Variants in MDN1 observed in about 807,000 individuals in gnomAD.
MDN1 encodes the protein midasin AAA ATPase 1, also known as midasin.
Under a neutral mutation model 669.2 loss-of-function variants are expected in MDN1, and 266 were observed. The ratio of observed to expected loss-of-function variants is 0.40; its 90% confidence interval spans 0.36 to 0.44. MDN1 has a LOEUF of 0.44. Among genes scored for constraint, MDN1 ranks in the 20% least tolerant of loss-of-function variants. The pLI, the probability that MDN1 is intolerant of heterozygous loss-of-function variation, is 1.00. For missense variants in MDN1, 5,940 were observed against 6,754.0 expected, an observed-to-expected ratio of 0.88 and a Z score of 4.22; for synonymous variants, 2,385 against 2,457.1, an observed-to-expected ratio of 0.97 and a Z score of 0.87.
chr6:89,794,077 C>A (rs1010031034), intron 4 of MDN1, 23 bp downstream of exon 4: 20 of 1,483,522 alleles, frequency 1.3e-5, no homozygotes, highest in Non-Finnish European at 1.8e-5. Context: ...TATAGCAAGA[C>A]CTCCACGAAG....
chr6:89,655,814 G>GGA lies in MDN1; in HGVS notation c.15439_15440insTC (p.Ala5147ValfsTer41). On this transcript the variant is annotated frameshift_variant, in exon 92 of 102. Transcript: ENST00000369393. LOFTEE classifies it high-confidence loss of function. ...ACTGCCTTGTTTAATGTGCTCGAAT[G>GGA]CATCTGCATCCTCCACCTGGGCCTG... 3 of 1,613,866 alleles carry GGA rather than the reference G, an allele frequency of 1.9e-6. No homozygotes were observed. The highest frequency in any genetic ancestry group is 2.5e-6 in the Non-Finnish European group (3 of 1,179,964).
In MDN1 at chr6:89,695,801, T is replaced by A; in HGVS notation, c.9575A>T (p.Glu3192Val). The A allele has an allele frequency of 6.2e-7, 1 of 1,613,712 alleles. No homozygotes were observed. Among genetic ancestry groups the A allele is most frequent in the African/African-American group, 1.3e-5 (1 of 75,050 alleles). The change falls in exon 61 of 102, where the codon GAA becomes GTA. Residue 3192 changes from glutamate (E) to valine (V), a missense_variant. By Grantham distance (121) the Glu-to-Val change is moderately radical (BLOSUM62 -2). Coordinates refer to ENST00000369393, the MANE Select transcript of MDN1 (RefSeq NM_014611.3). This position sits in a 1 kb window ranked among gnomAD's most constrained non-coding sequence, Gnocchi z 4.1. ...GGAGGTGAGCAACTGGCAGAGCAGTTCCTTGGGCAGCACCTCCTGACCAGC... is the reference window on the plus strand; with the variant it reads ...GGAGGTGAGCAACTGGCAGAGCAGTACCTTGGGCAGCACCTCCTGACCAGC... Reference protein sequence around the residue: ...DMAGQEVLPKELLCQLLTSLH... With the variant: ...DMAGQEVLPKVLLCQLLTSLH...
rs546902314 is a variant in MDN1, at chr6:89,818,689, A to C, written c.102+817T>G. On this transcript the variant is annotated intron_variant, in intron 1 of 101. Coordinates refer to ENST00000369393, the MANE Select transcript of MDN1 (RefSeq NM_014611.3). ...GCTAGGCATGGTGGCGCTCGCCTGT[A>C]ATCCCAGCTACTGAGAGGGTGAGGC... Among the ~76,000 whole-genome samples the C allele has an allele frequency of 5.9e-5, 9 of 152,142 alleles. No individual in the cohort carries two copies. In the South Asian group the frequency reaches 1.7e-3, roughly 28 times the overall value.
At chr6:89,757,771 C>T (rs939290042) in intron 19 of MDN1, among the ~76,000 whole-genome samples, 1 of 152,016 alleles carries the variant, frequency 6.6e-6, no homozygotes, top group Non-Finnish European at 1.5e-5. Flanking sequence ...TGAGGCCGGG[C>T]GCACTGGCTC....
rs1426973956 is a variant in MDN1, at chr6:89,743,680, C to T, written c.4213G>A (p.Ala1405Thr). 9 of 1,613,958 alleles carry T rather than the reference C, an allele frequency of 5.6e-6. No individual in the cohort carries two copies. The highest frequency in any genetic ancestry group is 1.3e-5 in the African/African-American group (1 of 74,910). Residue 1405 changes from alanine (A) to threonine (T), a missense_variant, in exon 30 of 102, where the codon GCC becomes ACC. Physicochemically the swap from Ala to Thr is moderately conservative, Grantham distance 58 (BLOSUM62 0). Coordinates refer to ENST00000369393, the MANE Select transcript of MDN1 (RefSeq NM_014611.3). ...GAGTATAATTTCTGATTTGCCAAGG[C>T]TGCAAATACCTGACAGATAGTAGTT... Reference protein sequence around the residue: ...GKTTICQVFAALANQKLYSVS... With the variant: ...GKTTICQVFATLANQKLYSVS...
rs1818855434 is a variant in MDN1, at chr6:89,784,546, T to C, written c.1449+466A>G. On this transcript the variant is annotated intron_variant, in intron 9 of 101. Transcript: ENST00000369393. ...GAGTCAAGTGTAATATACTTCTTAC[T>C]GATCTAGGATAACCACAATACTAGA... Among the ~76,000 whole-genome samples the C allele has an allele frequency of 2.0e-5, 3 of 152,168 alleles. 1 individual carries two copies. The highest frequency in any genetic ancestry group is 2.0e-4 in the Admixed American group (3 of 15,266).
Position 89,705,356 on chromosome 6 carries a change from G to A in MDN1, c.8148+703C>T, listed in dbSNP as rs1187692774. Among the ~76,000 whole-genome samples the A allele has an allele frequency of 3.9e-5, 6 of 152,036 alleles. No individual in the cohort carries two copies. In the South Asian group the frequency reaches 1.0e-3, roughly 26 times the overall value. Reference sequence around the variant, plus strand: ...TTTTGAGAACCTTTAAGAGTATAGAGGCAGAGATCAAAAAGTTTAAGACTG... The same window carrying A: ...TTTTGAGAACCTTTAAGAGTATAGAAGCAGAGATCAAAAAGTTTAAGACTG... On this transcript the variant is annotated intron_variant, in intron 53 of 101. Coordinates refer to ENST00000369393, the MANE Select transcript of MDN1 (RefSeq NM_014611.3).
chr6:89,749,307 G>A lies in MDN1; in HGVS notation c.3678C>T (p.Ser1226=), dbSNP rs1055879401. 39 of 1,613,916 alleles carry A rather than the reference G, an allele frequency of 2.4e-5. No homozygotes were observed. The highest frequency in any genetic ancestry group is 2.9e-5 in the Non-Finnish European group (34 of 1,179,992). ...GCTTGTGCAAGATTGTTTCCAACTC[G>A]GAGCTAGGTAACTCATCAAAGTGCA... ...VELHFDELPS[S]ELETILHKRC... is the part of the protein sequence containing the mutation. The change falls in exon 26 of 102, where the codon TCC becomes TCT. Residue 1226 remains serine, a synonymous_variant. Transcript: ENST00000369393.
In MDN1 at chr6:89,772,395, T is replaced by C. The variant is rs917471121; in HGVS notation, c.2083+178A>G. Among the ~76,000 whole-genome samples, 3 of 152,252 alleles carry C rather than the reference T, an allele frequency of 2.0e-5. No homozygotes were observed. In the South Asian group the frequency reaches 6.2e-4, roughly 31 times the overall value. On this transcript the variant is annotated intron_variant, in intron 14 of 101. Coordinates refer to ENST00000369393, the MANE Select transcript of MDN1 (RefSeq NM_014611.3). ...TATATGTATTTGCATAAGCATAGATTGGAAATGAAATAATTTAATAATAAT... is the reference window on the plus strand; with the variant it reads ...TATATGTATTTGCATAAGCATAGATCGGAAATGAAATAATTTAATAATAAT...
chr6:89,785,546 G>A (rs569175179), intron 8 of MDN1, among the ~76,000 whole-genome samples: 2 of 152,250 alleles, frequency 1.3e-5, no homozygotes, highest in South Asian at 4.1e-4. Context: ...ATTTCCAGAA[G>A]AGAAAAAAGT....
intron 11 of MDN1, among the ~76,000 whole-genome samples, chr6:89,777,629 C>T (rs1818419974): frequency 6.6e-6 from 1 of 152,120 alleles, no homozygotes; most frequent in Non-Finnish European, 1.5e-5. Context: ...GGCCAGAGGT[C>T]ACAAGACTTG....
Position 89,819,471 on chromosome 6 carries a change from C to A in MDN1, c.102+35G>T, listed in dbSNP as rs1254879780. 7 of 1,580,432 alleles carry A rather than the reference C, an allele frequency of 4.4e-6. No individual in the cohort carries two copies. In the South Asian group the frequency reaches 7.8e-5, roughly 18 times the overall value. On this transcript the variant is annotated intron_variant, in intron 1 of 101. Coordinates refer to ENST00000369393, the MANE Select transcript of MDN1 (RefSeq NM_014611.3). ...AAGCTTACTAGTGGGGCGACCCAGT[C>A]GTTCCGGCGCTTTCCCTCTCCCTTC...
intron 1 of MDN1, among the ~76,000 whole-genome samples, chr6:89,818,457 G>A (rs1768994571): frequency 6.6e-6 from 1 of 151,632 alleles, no homozygotes; most frequent in South Asian, 2.1e-4. Context: ...AACAAAGGGG[G>A]ACCTTACAAC....
rs986702376 is a variant in MDN1, at chr6:89,797,242, C to T, written c.330-2441G>A. 6.7e-5 allele frequency among the ~76,000 whole-genome samples: 10 copies of T among 149,644 alleles called. No homozygotes were observed. The South Asian group carries it at 1.3e-3, about 19-fold the overall frequency. Reference sequence around the variant, plus strand: ...AAAATTAGCTGGGCGTGGTGGCACACGCCTGTAGTCCCAGCTACCCAGAAG... The same window carrying T: ...AAAATTAGCTGGGCGTGGTGGCACATGCCTGTAGTCCCAGCTACCCAGAAG... On this transcript the variant is annotated intron_variant, in intron 2 of 101. Coordinates refer to ENST00000369393, the MANE Select transcript of MDN1 (RefSeq NM_014611.3).
intron 5 of MDN1, among the ~76,000 whole-genome samples, chr6:89,792,605 G>A (rs574107572): frequency 1.3e-5 from 2 of 152,074 alleles, no homozygotes; most frequent in South Asian, 4.1e-4. Flanking sequence ...TTATTTATAT[G>A]AAGTTTATGA....
Position 89,673,511 on chromosome 6 carries a change from C to A in MDN1, c.13248-49G>T, listed in dbSNP as rs528274486. 5 of 1,496,270 alleles carry A rather than the reference C, an allele frequency of 3.3e-6. No homozygotes were observed. In the African/African-American group the frequency reaches 6.9e-5, roughly 21 times the overall value. The allele number at this position is 1,496,270 out of a possible 1,614,324, so 92.7% of individuals were successfully genotyped here. A position where few individuals can be genotyped will look rare whatever the true frequency, so the allele number is the denominator to read the frequency against. On this transcript the variant is annotated intron_variant, in intron 79 of 101. Coordinates refer to ENST00000369393, the MANE Select transcript of MDN1 (RefSeq NM_014611.3). The stretch of plus-strand genomic sequence containing the variant: ...TGAAAGGAATGCATTACAGTTCCCA[C>A]AAACACACACCCCTCCCTGCAACCA...
chr6:89,711,628 CTG>C (rs1813932744), intron 49 of MDN1, among the ~76,000 whole-genome samples: 1 of 152,046 alleles, frequency 6.6e-6, no homozygotes, highest in Non-Finnish European at 1.5e-5. Context: ...ACATGGAGCA[CTG>C]GAACTAAAAT....
At chr6:89,772,862 C>G (rs1423415063) in intron 13 of MDN1, 141 bp from the exon 14 acceptor site, 4 of 908,858 alleles carry the variant, frequency 4.4e-6, no homozygotes, top group Non-Finnish European at 6.4e-6. Context: ...ACCAGATAAT[C>G]TTACAACATA....
In MDN1 at chr6:89,744,050, C is replaced by A. The variant is rs545053523; in HGVS notation, c.4179-336G>T. On this transcript the variant is annotated intron_variant, in intron 29 of 101. Coordinates refer to ENST00000369393, the MANE Select transcript of MDN1 (RefSeq NM_014611.3). The stretch of plus-strand genomic sequence containing the variant: ...CCTGGGAGGCGGAGGTTGTGGTGAG[C>A]CGAGATCACGCCATTGCAGTCCAGC... Among the ~76,000 whole-genome samples the A allele has an allele frequency of 4.7e-5, 7 of 148,902 alleles. No individual in the cohort carries two copies. The East Asian group carries it at 1.2e-3, about 25-fold the overall frequency.
Sources: allele counts gnomAD v4.1 joint callset (sites outside exome capture counted in the v4.1 genomes callset), GRCh38; gene constraint gnomAD v4.1.1; non-coding constraint Gnocchi (gnomAD v3.1); transcripts MANE v1.5; gene names NCBI Gene and HGNC (gene_info 2026-07-23, HGNC 2026-07-21).